ST8SIA2: variants seen among roughly 807,000 people sequenced by gnomAD.
The protein encoded by ST8SIA2 is alpha-2,8-sialyltransferase 8B.
ST8SIA2 carries 22 observed loss-of-function variants against 37.6 expected under a neutral mutation model. That is an observed-to-expected ratio of 0.58 (90% confidence interval 0.42 to 0.83). The LOEUF (loss-of-function observed/expected upper bound fraction) is 0.83. Ranked by LOEUF, ST8SIA2 falls within the 40% of genes least tolerant of loss-of-function variation. ST8SIA2 has a pLI of 0.00. For missense variants in ST8SIA2, 382 were observed against 484.7 expected (o/e 0.79, Z 1.99); for synonymous variants, 205 against 201.2 (o/e 1.02, Z -0.16).
In ST8SIA2 at chr15:92,436,113, G is replaced by A. The variant is rs187581777; in HGVS notation, c.290+1738G>A. On this transcript the variant is annotated intron_variant, in intron 3 of 5. Transcript: ENST00000268164. ...CTGTCATTGTATTTAAGGCCCACCCGGGTAATCCAGGATCTAATCTCCAGA... is the reference window on the plus strand; with the variant it reads ...CTGTCATTGTATTTAAGGCCCACCCAGGTAATCCAGGATCTAATCTCCAGA... 1.5e-3 allele frequency among the ~76,000 whole-genome samples: 228 copies of A among 152,168 alleles called. 1 individual carries two copies. Among genetic ancestry groups the A allele is most frequent in the African/African-American group, 5.1e-3 (212 of 41,494 alleles).
intron 5 of ST8SIA2, among the ~76,000 whole-genome samples, chr15:92,459,748 G>C (rs752688819): frequency 1.8e-4 from 28 of 152,282 alleles, no homozygotes; most frequent in African/African-American, 6.3e-4. Context: ...ACAGGTGCAT[G>C]CCTCCACGCC....
chr15:92,420,050 A>G (rs929309220), intron 1 of ST8SIA2, among the ~76,000 whole-genome samples: 2 of 152,152 alleles, frequency 1.3e-5, no homozygotes, highest in Non-Finnish European at 1.5e-5. Flanking sequence ...TATTTTGATT[A>G]GAGACGGGGT....
chr15:92,466,495 T>A lies in ST8SIA2; in HGVS notation c.*2110T>A, dbSNP rs1055278313. ...TGGTAAGCACTGTGGAGAACCTACA[T>A]GTCAGGTTCTGGAGTTGGCCCTGAG... On this transcript the variant is annotated 3_prime_UTR_variant, in exon 6 of 6. Transcript: ENST00000268164. 1.3e-5 allele frequency: 2 copies of A among 152,142 alleles called. No individual in the cohort carries two copies. Among genetic ancestry groups the A allele is most frequent in the Non-Finnish European group, 2.9e-5 (2 of 68,048 alleles). 9.4% of individuals were successfully genotyped at this position (152,142 alleles called of 1,614,324 possible). A position where few individuals can be genotyped will look rare whatever the true frequency, so the allele number is the denominator to read the frequency against.
At chr15:92,419,051 T>A (rs2049610961) in intron 1 of ST8SIA2, among the ~76,000 whole-genome samples, 1 of 151,874 alleles carries the variant, frequency 6.6e-6, no homozygotes, top group African/African-American at 2.4e-5. Context: ...AGAGAGAAGG[T>A]CTCTCCGGGG....
chr15:92,435,917 C>T (rs183536053), intron 3 of ST8SIA2, among the ~76,000 whole-genome samples: 19 of 152,252 alleles, frequency 1.2e-4, no homozygotes, highest in African/African-American at 3.6e-4. Context: ...ATTCTTGCAC[C>T]GCTCTGGATG....
chr15:92,428,472 C>T (rs1475621065), intron 1 of ST8SIA2, among the ~76,000 whole-genome samples: 1 of 152,170 alleles, frequency 6.6e-6, no homozygotes, highest in Non-Finnish European at 1.5e-5. Context: ...TCTCCCCTCT[C>T]CCCAAGGAGG....
rs1292976983 is a variant in ST8SIA2, at chr15:92,464,500, A to G, written c.*115A>G. 8.3e-7 allele frequency: 1 copy of G among 1,197,716 alleles called. No homozygotes were observed. Among genetic ancestry groups the G allele is most frequent in the Non-Finnish European group, 1.2e-6 (1 of 809,376 alleles). The allele number at this position is 1,197,716 out of a possible 1,614,324, so 74.2% of individuals were successfully genotyped here. ...AAGCAGGCTAGTGGTTTTCTTTGTT[A>G]AAGTGTAAAACAGTGACCAGAATAT... On this transcript the variant is annotated 3_prime_UTR_variant, in exon 6 of 6. Transcript: ENST00000268164.
intron 1 of ST8SIA2, among the ~76,000 whole-genome samples, chr15:92,399,345 C>A (rs2129793): frequency 0.14 from 21,623 of 152,176 alleles, 2,310 homozygotes; most frequent in East Asian, 0.44. Flanking sequence ...TCCAGTACAC[C>A]ACGGCCAGGG....
intron 4 of ST8SIA2, among the ~76,000 whole-genome samples, chr15:92,443,971 C>T (rs1405197440): frequency 6.6e-6 from 1 of 152,122 alleles, no homozygotes; most frequent in Non-Finnish European, 1.5e-5. Flanking sequence ...TTTCGTGTAC[C>T]TTGTCCACTA....
chr15:92,446,652 C>T (rs1372683378), intron 5 of ST8SIA2, among the ~76,000 whole-genome samples: 1 of 152,116 alleles, frequency 6.6e-6, no homozygotes, highest in Non-Finnish European at 1.5e-5. Flanking sequence ...AGATAAATTA[C>T]AGGTAAACAA....
Position 92,436,487 on chromosome 15 carries a change from G to A in ST8SIA2, c.291-1866G>A, listed in dbSNP as rs1382772547. On this transcript the variant is annotated intron_variant, in intron 3 of 5. Transcript: ENST00000268164. ...ATCACCAAGATTATTCATAATAAAAGATTCTGCAAGTGATTTGGAATGATG... is the reference window on the plus strand; with the variant it reads ...ATCACCAAGATTATTCATAATAAAAAATTCTGCAAGTGATTTGGAATGATG... Among the ~76,000 whole-genome samples the A allele has an allele frequency of 2.0e-5, 3 of 152,276 alleles. No individual in the cohort carries two copies. In the East Asian group the frequency reaches 5.8e-4, roughly 29 times the overall value.
chr15:92,441,898 C>T (rs2049805861), intron 4 of ST8SIA2, among the ~76,000 whole-genome samples: 1 of 152,180 alleles, frequency 6.6e-6, no homozygotes, highest in Admixed American at 6.5e-5. Context: ...GGTAGTTGGC[C>T]TCCAGAGCCT....
Position 92,444,942 on chromosome 15 carries a change from C to T in ST8SIA2, c.842+13C>T, listed in dbSNP as rs2049831146. The T allele has an allele frequency of 6.2e-7, 1 of 1,607,482 alleles. No homozygotes were observed. The highest frequency in any genetic ancestry group is 8.5e-7 in the Non-Finnish European group (1 of 1,180,010). On this transcript the variant is annotated intron_variant, in intron 5 of 5. Transcript: ENST00000268164. ...ACGCCGTTCGCGGGTGAGCGGCCTC[C>T]CTACAGGCCAGTAGGACCGTCACTA...
intron 5 of ST8SIA2, among the ~76,000 whole-genome samples, chr15:92,447,302 G>A (rs2049849126): frequency 6.6e-6 from 1 of 152,230 alleles, no homozygotes; most frequent in African/African-American, 2.4e-5. Flanking sequence ...CAATGTGGCA[G>A]TGCCATAGTC....
chr15:92,438,620 C>G lies in ST8SIA2; in HGVS notation c.548+10C>G. 6.3e-7 allele frequency: 1 copy of G among 1,598,074 alleles called. No homozygotes were observed. The highest frequency in any genetic ancestry group is 8.5e-7 in the Non-Finnish European group (1 of 1,171,642). On this transcript the variant is annotated intron_variant, in intron 4 of 5. Transcript: ENST00000268164. ...ACAGCTTCGTCATCAGGTAACATGC[C>G]CCAGCAGGCACTCTGGGGCCAGAGC...
intron 1 of ST8SIA2, among the ~76,000 whole-genome samples, chr15:92,398,759 C>G (rs978302932): frequency 4.6e-5 from 7 of 152,204 alleles, no homozygotes; most frequent in African/African-American, 1.7e-4. Context: ...TGTGGAAGGC[C>G]GAAACCCATG....
chr15:92,447,859 T>C (rs933130027), intron 5 of ST8SIA2, among the ~76,000 whole-genome samples: 1 of 152,216 alleles, frequency 6.6e-6, no homozygotes, highest in Non-Finnish European at 1.5e-5. Context: ...ACTTCATCCC[T>C]GTCAGAGTAG....
chr15:92,394,399 A>C (rs2049413954), intron 1 of ST8SIA2, among the ~76,000 whole-genome samples: 2 of 151,724 alleles, frequency 1.3e-5, no homozygotes, highest in Admixed American at 1.3e-4. Flanking sequence ...GGAAGCCCCC[A>C]GCTGGCCCGC....
chr15:92,404,667 CAAAAAA>C (rs35691790), intron 1 of ST8SIA2, among the ~76,000 whole-genome samples: 1 of 105,198 alleles, frequency 9.5e-6, no homozygotes, highest in East Asian at 2.5e-4. Flanking sequence ...ACTAAAAATA[CAAAAAA>C]AAAAAAAAAA....
Sources: gnomAD v4.1 joint callset for allele counts (sites outside exome capture counted in the v4.1 genomes callset) on GRCh38, gnomAD v4.1.1 for gene constraint, MANE v1.5 for transcripts, NCBI Gene and HGNC (gene_info 2026-07-23, HGNC 2026-07-21) for gene names.